Variants in EZR observed in about 807,000 individuals in gnomAD.
The protein encoded by EZR is ezrin, also known as cytovillin 2.
EZR carries 40 observed loss-of-function variants against 74.8 expected under a neutral mutation model. That is an observed-to-expected ratio of 0.53 (90% CI 0.42 to 0.70). EZR has a LOEUF of 0.70. Among genes scored for constraint, EZR ranks in the 30% least tolerant of loss-of-function variants. EZR has a pLI of 0.00. For missense variants in EZR, 678 were observed against 755.8 expected, an observed-to-expected ratio of 0.90 and a Z score of 1.21; for synonymous variants, 341 against 283.3, an observed-to-expected ratio of 1.20 and a Z score of -2.05.
At chr6:158,781,724 G>A (rs1791437719) in intron 7 of EZR, among the ~76,000 whole-genome samples, 1 of 140,636 alleles carries the variant, frequency 7.1e-6, no homozygotes, top group South Asian at 2.3e-4. Flanking sequence ...GGGTCTCCCG[G>A]AAAGATGGTG....
chr6:158,778,166 A>G (rs541823832), intron 7 of EZR, among the ~76,000 whole-genome samples: 44 of 152,212 alleles, frequency 2.9e-4, no homozygotes, highest in Non-Finnish European at 5.4e-4. Flanking sequence ...CAGAGAAGCT[A>G]GGATCCAAGC....
chr6:158,818,996 T>A (rs766414828), intron 1 of EZR, among the ~76,000 whole-genome samples: 3 of 152,248 alleles, frequency 2.0e-5, no homozygotes, highest in Non-Finnish European at 4.4e-5. Flanking sequence ...GCCCCGCGGC[T>A]GCAGTCACAA....
In EZR at chr6:158,787,174, C is replaced by T. The variant is rs1791605360; in HGVS notation, c.126G>A (p.Val42=). 3.7e-6 allele frequency: 6 copies of T among 1,613,266 alleles called. No homozygotes were observed. The highest frequency in any genetic ancestry group is 3.3e-5 in the Admixed American group (2 of 60,000). The part of the protein sequence containing the change: ...QVVKTIGLRE[V]WYFGLHYVDN... ...CCACATAGTGGAGGCCAAAGTACCA[C>T]ACTTCCCGGAGGCCGATAGTCTTTA... The change falls in exon 4 of 14, where the codon GTG becomes GTA. Residue 42 remains valine, a synonymous_variant. Transcript: ENST00000367075.
At chr6:158,775,316 G>A (rs575368022) in intron 8 of EZR, among the ~76,000 whole-genome samples, 1 of 152,326 alleles carries the variant, frequency 6.6e-6, no homozygotes, top group East Asian at 1.9e-4. Flanking sequence ...ACAGGCGTGA[G>A]CCACTGAGCC....
In EZR at chr6:158,770,974, G is replaced by A. The variant is rs1016435045; in HGVS notation, c.960-80C>T. On this transcript the variant is annotated intron_variant, in intron 9 of 13. Coordinates refer to ENST00000367075, the MANE Select transcript of EZR (RefSeq NM_001111077.2). Reference sequence around the variant, plus strand: ...GGGTCAACACACTTCACGGGTACTTGAAGCTCCAGGATGGACTTGGTATCC... The same window carrying A: ...GGGTCAACACACTTCACGGGTACTTAAAGCTCCAGGATGGACTTGGTATCC... 5.0e-6 allele frequency: 8 copies of A among 1,597,040 alleles called. No homozygotes were observed. The African/African-American group carries it at 1.1e-4, about 21-fold the overall frequency.
At chr6:158,789,612 G>A in intron 2 of EZR, 1 of 624,562 alleles carries the variant, frequency 1.6e-6, no homozygotes, top group Non-Finnish European at 3.0e-6. Flanking sequence ...TGACACTTAG[G>A]TCTAAGCAGT....
chr6:158,776,248 T>C (rs1791274949), intron 8 of EZR, among the ~76,000 whole-genome samples, 160 bp downstream of exon 8: 1 of 152,242 alleles, frequency 6.6e-6, no homozygotes, highest in African/African-American at 2.4e-5. Context: ...TGGTCTCCCC[T>C]GCAGCAATTG....
At chr6:158,809,334 T>C (rs954651255) in intron 2 of EZR, among the ~76,000 whole-genome samples, 1 of 152,178 alleles carries the variant, frequency 6.6e-6, no homozygotes, top group Non-Finnish European at 1.5e-5. Context: ...AAAAGCTCAT[T>C]TTAAACTATC....
Position 158,774,069 on chromosome 6 carries a change from G to A in EZR, c.795+2339C>T, listed in dbSNP as rs183508187. Among the ~76,000 whole-genome samples, 8 of 152,350 alleles carry A rather than the reference G, an allele frequency of 5.3e-5. No homozygotes were observed. The East Asian group carries it at 1.3e-3, about 26-fold the overall frequency. On this transcript the variant is annotated intron_variant, in intron 8 of 13. Transcript: ENST00000367075. ...CATTTGTGAGTTCACAGCAGAAACCGCCTGGGGTGAAGATGACCCGTGAAA... is the reference window on the plus strand; with the variant it reads ...CATTTGTGAGTTCACAGCAGAAACCACCTGGGGTGAAGATGACCCGTGAAA...
chr6:158,766,807 C>T lies in EZR; in HGVS notation c.*107G>A. On this transcript the variant is annotated 3_prime_UTR_variant, in exon 14 of 14. Coordinates refer to ENST00000367075, the MANE Select transcript of EZR (RefSeq NM_001111077.2). ...GTTGGGTAACTGCTTTCTAAAGGAA[C>T]TGGGATCTGAGGGAGTTCCTAGACT... The T allele has an allele frequency of 8.9e-7, 1 of 1,125,008 alleles. No individual in the cohort carries two copies. Among genetic ancestry groups the T allele is most frequent in the Admixed American group, 2.2e-5 (1 of 45,438 alleles). The allele number at this position is 1,125,008 out of a possible 1,614,324, so 69.7% of individuals were successfully genotyped here.
At chr6:158,781,788 C>T (rs1004595750) in intron 7 of EZR, among the ~76,000 whole-genome samples, 6 of 151,636 alleles carry the variant, frequency 4.0e-5, no homozygotes, top group East Asian at 3.9e-4. Context: ...TTTTGAGACA[C>T]GGTCTCGCTC....
At chr6:158,771,989 G>A (rs971515316) in intron 8 of EZR, among the ~76,000 whole-genome samples, 6 of 152,076 alleles carry the variant, frequency 3.9e-5, no homozygotes, top group African/African-American at 1.4e-4. Flanking sequence ...CAGCCTGGGA[G>A]CTCCAGGATG....
intron 11 of EZR, 71 bp downstream of exon 11, chr6:158,769,713 G>C: frequency 6.4e-7 from 1 of 1,564,724 alleles, no homozygotes; most frequent in Non-Finnish European, 8.7e-7. Context: ...TTACAAGGCA[G>C]GTGTCACATT....
intron 2 of EZR, among the ~76,000 whole-genome samples, chr6:158,815,265 C>CT (rs1226224745): frequency 2.0e-5 from 3 of 152,178 alleles, no homozygotes; most frequent in Non-Finnish European, 4.4e-5. Context: ...ACTGGATCCT[C>CT]TCTAACAGCC....
intron 2 of EZR, among the ~76,000 whole-genome samples, chr6:158,805,545 CCA>C (rs917661031): frequency 8.5e-5 from 13 of 152,170 alleles, no homozygotes; most frequent in South Asian, 2.1e-4. Context: ...TGAACTCACC[CCA>C]GTCTTTACTT....
rs117219626 is a variant in EZR, at chr6:158,789,864, C to T, written c.13-493G>A. On this transcript the variant is annotated intron_variant, in intron 2 of 13. Coordinates refer to ENST00000367075, the MANE Select transcript of EZR (RefSeq NM_001111077.2). ...TGAGCTCCTAGGCTCAAGCAAGCCT[C>T]CCATCTCAGCCTCCCATAGTGCTGA... 6.6e-3 allele frequency among the ~76,000 whole-genome samples: 1,008 copies of T among 152,392 alleles called. 2 individuals carry two copies. The highest frequency in any genetic ancestry group is 9.0e-3 in the Non-Finnish European group (614 of 68,044).
At chr6:158,771,034 G>T (rs1791090502) in intron 9 of EZR, 140 bp from the exon 10 acceptor site, 4 of 1,392,838 alleles carry the variant, frequency 2.9e-6, no homozygotes, top group Non-Finnish European at 2.9e-6. Flanking sequence ...AGCCTGAGCT[G>T]CCTGACGGAG....
chr6:158,788,394 C>T (rs1791640131), intron 3 of EZR: 1 of 152,346 alleles, frequency 6.6e-6, no homozygotes, highest in African/African-American at 2.4e-5. Flanking sequence ...CACTTGTAAT[C>T]CCAGCACTTT....
chr6:158,787,912 G>A (rs1369841613), intron 3 of EZR, among the ~76,000 whole-genome samples: 2 of 152,338 alleles, frequency 1.3e-5, no homozygotes, highest in East Asian at 1.9e-4. Context: ...GTGCATTACA[G>A]GAGTCCTGAG....
Sources: allele counts gnomAD v4.1 joint callset (sites outside exome capture counted in the v4.1 genomes callset), GRCh38; gene constraint gnomAD v4.1.1; transcripts MANE v1.5; gene names NCBI Gene and HGNC (gene_info 2026-07-23, HGNC 2026-07-21).